CXADR: variants seen among roughly 807,000 people sequenced by gnomAD.
CXADR encodes the protein CXADR cell adhesion molecule.
A neutral mutation model predicts 40.3 loss-of-function variants in CXADR; 20 were observed. The ratio of observed to expected loss-of-function variants is 0.50; its 90% CI spans 0.35 to 0.72. The LOEUF (loss-of-function observed/expected upper bound fraction) is 0.72. CXADR is among the 30% of genes least tolerant of loss of function. The probability of loss-of-function intolerance (pLI) is 0.01; values close to 1 mark genes in which losing one functional copy is unlikely to be tolerated. For synonymous variants in CXADR, 150 were observed against 161.3 expected (o/e 0.93, Z 0.53); for missense variants, 332 against 449.1 (o/e 0.74, Z 2.36).
At chr21:17,595,590 C>T (rs542282275), downstream of CXADR, among the ~76,000 whole-genome samples, 2 of 151,750 alleles carry the variant, frequency 1.3e-5, no homozygotes, top group South Asian at 4.2e-4. Flanking sequence ...ACATAAAGAT[C>T]CTTCTCATTT....
chr21:17,565,343 CTCTTATCCATGAT>C, intron 6 of CXADR, 72 bp from the exon 7 acceptor site: 1 of 1,421,554 alleles, frequency 7.0e-7, no homozygotes, highest in East Asian at 2.3e-5. Flanking sequence ...TAAATACAGG[CTCTTATCCATGAT>C]TCATAGCTTG....
chr21:17,551,416 A>G lies in CXADR; in HGVS notation c.211-333A>G, dbSNP rs893965302. Among the ~76,000 whole-genome samples, 14 of 152,152 alleles carry G rather than the reference A, an allele frequency of 9.2e-5. No homozygotes were observed. In the South Asian group the frequency reaches 1.9e-3, roughly 20 times the overall value. On this transcript the variant is annotated intron_variant, in intron 2 of 6. Coordinates refer to ENST00000284878, the MANE Select transcript of CXADR (RefSeq NM_001338.5). ...TCAAAAAGAAAAGAAAAGGAAAAGA[A>G]AAGACAACGAACAAGCAAATCTGTG...
the CXADR span, among the ~76,000 whole-genome samples, chr21:17,609,891 C>T: frequency 6.6e-6 from 1 of 152,016 alleles, no homozygotes; most frequent in African/African-American, 2.4e-5. Flanking sequence ...ATGCCCACAG[C>T]AGTATTCATA....
At position 17,513,212 on chromosome 21, in the gene CXADR, C is replaced by T. The variant is rs756562246; in HGVS notation, c.43+40C>T. 5 of 1,344,526 alleles carry T rather than the reference C, an allele frequency of 3.7e-6. No homozygotes were observed. In the African/African-American group the frequency reaches 4.6e-5, roughly 12 times the overall value. The allele number at this position is 1,344,526 out of a possible 1,614,324, so 83.3% of individuals were successfully genotyped here. ...TGGGGTCCTCAGCACCCGCCCAGCC[C>T]GGGGGCGCTCGCTGCCCGCGGCCAC... On this transcript the variant is annotated intron_variant, in intron 1 of 6. Transcript: ENST00000284878.
At chr21:17,524,043 CGTGTGTGTGT>C (rs200561495) in intron 1 of CXADR, among the ~76,000 whole-genome samples, 3 of 144,720 alleles carry the variant, frequency 2.1e-5, no homozygotes, top group African/African-American at 7.7e-5. Flanking sequence ...TGTGTGTGTG[CGTGTGTGTGT>C]GTGTGTGTGT....
At chr21:17,594,044 T>C (rs1466174746), downstream of CXADR, 1 of 1,587,680 alleles carries the variant, frequency 6.3e-7, no homozygotes, top group South Asian at 1.2e-5. Flanking sequence ...TGTAGTAAGG[T>C]TTATTCTACC....
At chr21:17,522,900 G>T (rs931149830) in intron 1 of CXADR, among the ~76,000 whole-genome samples, 1 of 152,088 alleles carries the variant, frequency 6.6e-6, no homozygotes, top group Non-Finnish European at 1.5e-5. Context: ...AGCTGATTCT[G>T]TTTCACACTC....
At chr21:17,571,529 T>G (rs2061277351), downstream of CXADR, among the ~76,000 whole-genome samples, 1 of 152,138 alleles carries the variant, frequency 6.6e-6, no homozygotes, top group Non-Finnish European at 1.5e-5. Context: ...CAACATTGGG[T>G]ATGAAGTAAC....
the CXADR span, among the ~76,000 whole-genome samples, chr21:17,635,210 A>G: frequency 2.6e-5 from 4 of 152,312 alleles, 1 homozygote; most frequent in African/African-American, 9.6e-5. Context: ...CCCAAAGTCA[A>G]TTGTCTGGTT....
At chr21:17,602,078 T>C in the CXADR span, among the ~76,000 whole-genome samples, 1 of 151,722 alleles carries the variant, frequency 6.6e-6, no homozygotes, top group Admixed American at 6.6e-5. Flanking sequence ...TGATAAAACA[T>C]CAAGGCTAAT....
chr21:17,530,599 A>G (rs2060661227), intron 1 of CXADR, among the ~76,000 whole-genome samples: 1 of 151,384 alleles, frequency 6.6e-6, no homozygotes, highest in Admixed American at 6.6e-5. Context: ...CTATCACTTG[A>G]GGTTAGCAGT....
chr21:17,534,789 C>CTTTTTTTTT (rs11427595), intron 1 of CXADR, among the ~76,000 whole-genome samples: 1,883 of 131,698 alleles, frequency 0.014, 74 homozygotes, highest in African/African-American at 0.046. Context: ...TATTTTCTTC[C>CTTTTTTTTT]TTTTTTTTTT....
chr21:17,581,838 ACT>A (rs2061362141), intron 7 of CXADR, among the ~76,000 whole-genome samples: 1 of 70,288 alleles, frequency 1.4e-5, no homozygotes, highest in African/African-American at 5.7e-5. Context: ...AAAGGCTAAG[ACT>A]CTGTCTCAAA....
rs2060773631 is a variant in CXADR, at chr21:17,537,484, A to G, written c.44-9543A>G. 5.3e-5 allele frequency among the ~76,000 whole-genome samples: 8 copies of G among 152,282 alleles called. No individual in the cohort carries two copies. In the South Asian group the frequency reaches 1.7e-3, roughly 32 times the overall value. On this transcript the variant is annotated intron_variant, in intron 1 of 6. Coordinates refer to ENST00000284878, the MANE Select transcript of CXADR (RefSeq NM_001338.5). ...ACAAAGTGCTTTGTTGACTGCTTAG[A>G]TGTCAAGACAGATTATGCAGTTATG...
chr21:17,542,769 A>G (rs2060845341), intron 1 of CXADR, among the ~76,000 whole-genome samples: 1 of 152,218 alleles, frequency 6.6e-6, no homozygotes, highest in African/African-American at 2.4e-5. Flanking sequence ...TACCTTTTAA[A>G]CCGTGTTTCA....
At chr21:17,593,042 T>C (rs1466253204) in intron 7 of CXADR, 8 of 967,322 alleles carry the variant, frequency 8.3e-6, no homozygotes, top group Non-Finnish European at 1.1e-5. Flanking sequence ...AGACTGCAAA[T>C]TTAAAGATGA....
chr21:17,609,069 CCT>C, the CXADR span: 1 of 1,613,948 alleles, frequency 6.2e-7, no homozygotes, highest in African/African-American at 1.3e-5. Context: ...CTCTCAACTG[CCT>C]CTTTTTTCAA....
At chr21:17,595,686 A>G (rs564735146), downstream of CXADR, among the ~76,000 whole-genome samples, 31 of 151,978 alleles carry the variant, frequency 2.0e-4, no homozygotes, top group Non-Finnish European at 3.4e-4. Flanking sequence ...GTCTCTTACT[A>G]TTAAAAAAAC....
downstream of CXADR, chr21:17,594,007 A>G (rs897627272): frequency 2.7e-6 from 4 of 1,469,390 alleles, no homozygotes; most frequent in South Asian, 2.8e-5. Context: ...CTTCACTACT[A>G]TTAGTAAGAA....
Sources: allele counts gnomAD v4.1 joint callset (sites outside exome capture counted in the v4.1 genomes callset), GRCh38; gene constraint gnomAD v4.1.1; transcripts MANE v1.5; gene names NCBI Gene and HGNC (gene_info 2026-07-23, HGNC 2026-07-21).